Variants in RIMBP2 observed in about 807,000 individuals in gnomAD.
The protein encoded by RIMBP2 is RIMS binding protein 2.
Under a neutral mutation model 118.6 loss-of-function variants are expected in RIMBP2, and 48 were observed. The ratio of observed to expected loss-of-function variants is 0.40; its 90% CI spans 0.32 to 0.51. The LOEUF (loss-of-function observed/expected upper bound fraction) is 0.51. Ranked by LOEUF, RIMBP2 falls within the 20% of genes least tolerant of loss-of-function variation. RIMBP2 has a pLI of 0.41. For missense variants in RIMBP2, 1,551 were observed against 1,768.3 expected (o/e 0.88, Z 2.20); for synonymous variants, 762 against 742.9 (o/e 1.03, Z -0.42).
intron 1 of RIMBP2, among the ~76,000 whole-genome samples, chr12:130,647,324 C>G (rs112298158): frequency 0.078 from 11,868 of 152,110 alleles, 938 homozygotes; most frequent in East Asian, 0.24. Flanking sequence ...GATCGCACCA[C>G]TGCACTCCAG....
At chr12:130,676,319 TA>T (rs34473551) in intron 1 of RIMBP2, among the ~76,000 whole-genome samples, 95,599 of 133,152 alleles carry the variant, frequency 0.72, 34,124 homozygotes, top group Admixed American at 0.76. Context: ...GAGGATGGAT[TA>T]AAAAAAAAAA....
At chr12:130,604,347 T>G (rs12825441) in intron 2 of RIMBP2, among the ~76,000 whole-genome samples, 99,001 of 145,246 alleles carry the variant, frequency 0.68, 33,843 homozygotes, top group South Asian at 0.8. Context: ...ATTGAAGAAA[T>G]AAAAACAATT....
intron 6 of RIMBP2, among the ~76,000 whole-genome samples, chr12:130,457,211 G>A (rs1292455379): frequency 2.6e-5 from 4 of 152,210 alleles, no homozygotes; most frequent in South Asian, 2.1e-4. Context: ...CAGGGCGCCC[G>A]CCCCCTCGGA....
At chr12:130,505,698 G>A (rs1417441226) in intron 4 of RIMBP2, among the ~76,000 whole-genome samples, 1 of 15,896 alleles carries the variant, frequency 6.3e-5, no homozygotes, top group Admixed American at 9.1e-4. Context: ...GTCACTCCTC[G>A]CCCCCATCCC....
intron 2 of RIMBP2, among the ~76,000 whole-genome samples, chr12:130,568,556 C>G (rs2057397982): frequency 6.6e-6 from 1 of 152,166 alleles, no homozygotes; most frequent in Non-Finnish European, 1.5e-5. Context: ...TCTGGGAAAC[C>G]CAGAAGCAAT....
rs755647935 is a variant in RIMBP2 at position 130,442,675 on chromosome 12, G to C, written c.692-15C>G. 2 of 1,606,390 alleles carry C rather than the reference G, an allele frequency of 1.2e-6. No individual in the cohort carries two copies. Among genetic ancestry groups the C allele is most frequent in the Non-Finnish European group, 1.7e-6 (2 of 1,175,442 alleles). On this transcript the variant is annotated splice_polypyrimidine_tract_variant and intron_variant, in intron 10 of 22. Coordinates refer to ENST00000690449, the MANE Select transcript of RIMBP2 (RefSeq NM_001393629.1). The surrounding 1 kb of genome is among the most constrained non-coding windows in gnomAD (Gnocchi z 6.9). The stretch of plus-strand genomic sequence containing the variant: ...GAGGAGCTCTCCTGTTGGGTACAAG[G>C]ACAGAGTTATCACCCAGCCAACACA...
chr12:130,432,152 G>A, intron 14 of RIMBP2: 1 of 449,448 alleles, frequency 2.2e-6, no homozygotes, highest in Middle Eastern at 3.7e-4. Flanking sequence ...TGAGCAGATT[G>A]CAGGGAAGGT....
intron 10 of RIMBP2, among the ~76,000 whole-genome samples, chr12:130,443,083 G>A (rs1347119961): frequency 6.6e-6 from 1 of 152,128 alleles, no homozygotes; most frequent in Non-Finnish European, 1.5e-5. Context: ...GGCTTTTGGA[G>A]ATTAAGAAAA....
At position 130,506,638 on chromosome 12, in the gene RIMBP2, G is replaced by C; in HGVS notation, c.-4+10C>G. On this transcript the variant is annotated intron_variant, in intron 4 of 22. Transcript: ENST00000690449. ...GCAGAAGCGGTCCCAAATGCAGAAA[G>C]CCAGCTTACCTTCAGGACCTGTTCT... 1.0e-6 allele frequency: 1 copy of C among 985,702 alleles called. No homozygotes were observed. Among genetic ancestry groups the C allele is most frequent in the Non-Finnish European group, 1.2e-6 (1 of 829,926 alleles). 61.1% of individuals were successfully genotyped at this position (985,702 alleles called of 1,614,324 possible).
intron 1 of RIMBP2, among the ~76,000 whole-genome samples, chr12:130,672,976 C>T (rs1419351592): frequency 6.6e-6 from 1 of 152,238 alleles, no homozygotes; most frequent in Non-Finnish European, 1.5e-5. Flanking sequence ...AGTCGTTTCC[C>T]TCTCAGGGAT....
In RIMBP2 at chr12:130,428,360, A is replaced by C. The variant is rs748356171; in HGVS notation, c.2254-23T>G. On this transcript the variant is annotated intron_variant, in intron 14 of 22. Transcript: ENST00000690449. Reference sequence around the variant, plus strand: ...CGGCTGGGGGCCAAGAAAAGGGGCTACTGAGCGGGTGGCTCCTCCCGCATC... The same window carrying C: ...CGGCTGGGGGCCAAGAAAAGGGGCTCCTGAGCGGGTGGCTCCTCCCGCATC... 15 of 1,593,372 alleles carry C rather than the reference A, an allele frequency of 9.4e-6. No individual in the cohort carries two copies. The Admixed American group carries it at 1.2e-4, about 13-fold the overall frequency.
chr12:130,519,171 T>C (rs2051803819), intron 2 of RIMBP2, among the ~76,000 whole-genome samples: 1 of 152,246 alleles, frequency 6.6e-6, no homozygotes, highest in South Asian at 2.1e-4. Flanking sequence ...TCTGTTACAA[T>C]ATTTCGAGTG....
chr12:130,654,654 G>A (rs755271223), intron 1 of RIMBP2, among the ~76,000 whole-genome samples: 1 of 152,158 alleles, frequency 6.6e-6, no homozygotes, highest in Non-Finnish European at 1.5e-5. Flanking sequence ...CCACTCCTCT[G>A]TACCAATTTT....
intron 3 of RIMBP2, among the ~76,000 whole-genome samples, chr12:130,509,091 C>T (rs1289785439): frequency 2.6e-5 from 4 of 152,194 alleles, no homozygotes; most frequent in Admixed American, 2.6e-4. Flanking sequence ...CCCTGAGCTG[C>T]TCCCCTTAGA....
At chr12:130,539,161 A>C (rs937080573) in intron 2 of RIMBP2, among the ~76,000 whole-genome samples, 1 of 152,210 alleles carries the variant, frequency 6.6e-6, no homozygotes, top group Non-Finnish European at 1.5e-5. Context: ...TTGGGGGAGA[A>C]TATATACATA....
chr12:130,534,759 G>GA (rs2053836583), intron 2 of RIMBP2, among the ~76,000 whole-genome samples: 1 of 152,190 alleles, frequency 6.6e-6, no homozygotes, highest in Non-Finnish European at 1.5e-5. Flanking sequence ...TCACTTCCAT[G>GA]AGAGTCCAAA....
chr12:130,418,665 G>A (rs1299451641), intron 17 of RIMBP2, among the ~76,000 whole-genome samples: 1 of 152,198 alleles, frequency 6.6e-6, no homozygotes, highest in African/African-American at 2.4e-5. Context: ...AACGTGCAGA[G>A]GGGTCAGGGG....
At chr12:130,573,169 ATATG>A (rs1316848471) in intron 2 of RIMBP2, among the ~76,000 whole-genome samples, 6 of 152,050 alleles carry the variant, frequency 3.9e-5, no homozygotes, top group Non-Finnish European at 5.9e-5. Flanking sequence ...AAAAAGGTAT[ATATG>A]TATTTATTCT....
At chr12:130,474,510 G>A (rs2081271492) in intron 5 of RIMBP2, among the ~76,000 whole-genome samples, 1 of 152,210 alleles carries the variant, frequency 6.6e-6, no homozygotes, top group Non-Finnish European at 1.5e-5. Flanking sequence ...AGGTGGAGGT[G>A]GGCAGTCGGC....
Sources: allele counts gnomAD v4.1 joint callset (sites outside exome capture counted in the v4.1 genomes callset), GRCh38; gene constraint gnomAD v4.1.1; non-coding constraint Gnocchi (gnomAD v3.1); transcripts MANE v1.5; gene names NCBI Gene and HGNC (gene_info 2026-07-23, HGNC 2026-07-21).